Variants in KCTD8 observed in about 807,000 individuals in gnomAD.
KCTD8 encodes BTB/POZ domain-containing protein KCTD8.
Under a neutral mutation model 31.5 loss-of-function variants are expected in KCTD8, and 27 were observed. The ratio of observed to expected loss-of-function variants is 0.86; its 90% CI spans 0.63 to 1.18. The LOEUF (loss-of-function observed/expected upper bound fraction) is 1.18, where lower values mean the gene tolerates loss of function less well. Among genes scored for constraint, KCTD8 ranks in the 50% most tolerant of loss-of-function variants. The pLI, the probability that KCTD8 is intolerant of heterozygous loss-of-function variation, is 0.00. For synonymous variants in KCTD8, 290 were observed against 280.0 expected, an observed-to-expected ratio of 1.04 and a Z score of -0.36; for missense variants, 658 against 647.7, an observed-to-expected ratio of 1.02 and a Z score of -0.17.
At chr4:44,367,648 A>G (rs1045417226) in intron 1 of KCTD8, among the ~76,000 whole-genome samples, 3 of 152,164 alleles carry the variant, frequency 2.0e-5, no homozygotes, top group African/African-American at 4.8e-5. Flanking sequence ...TAAATGTGTC[A>G]TTGTTGAAAA....
chr4:44,325,014 A>G (rs1426199426), intron 1 of KCTD8, among the ~76,000 whole-genome samples: 3 of 152,020 alleles, frequency 2.0e-5, no homozygotes, highest in East Asian at 1.9e-4. Context: ...ATCAGATTAT[A>G]TAAGCATGAG....
At chr4:44,419,327 G>A (rs768382416) in intron 1 of KCTD8, among the ~76,000 whole-genome samples, 2 of 152,158 alleles carry the variant, frequency 1.3e-5, no homozygotes, top group African/African-American at 2.4e-5. Context: ...CCCCAGACTA[G>A]CCATTAGTTA....
At position 44,237,343 on chromosome 4, in the gene KCTD8, C is replaced by A. The variant is rs1412377089; in HGVS notation, c.962-62093G>T. ...CCCTCCCTTCCTCTCTCTTTCTTCC[C>A]ATTTTCAGATACACAGCAGTTCCTG... On this transcript the variant is annotated intron_variant, in intron 1 of 1. Coordinates refer to ENST00000360029, the MANE Select transcript of KCTD8 (RefSeq NM_198353.3). 5.3e-5 allele frequency among the ~76,000 whole-genome samples: 8 copies of A among 152,258 alleles called. No homozygotes were observed. The East Asian group carries it at 1.2e-3, about 22-fold the overall frequency.
At chr4:44,213,007 A>G (rs6829496) in intron 1 of KCTD8, among the ~76,000 whole-genome samples, 150,895 of 152,240 alleles carry the variant, frequency 0.99, 74,787 homozygotes, top group East Asian at 1. Flanking sequence ...GCATGATCTC[A>G]GCTCTCTGCA....
intron 1 of KCTD8, among the ~76,000 whole-genome samples, chr4:44,193,640 TA>T (rs1713833998): frequency 6.7e-6 from 1 of 150,078 alleles, no homozygotes; most frequent in Admixed American, 6.6e-5. Context: ...CTAGGTATTT[TA>T]ACAAAAAAAA....
chr4:44,327,816 T>C (rs3113532), intron 1 of KCTD8, among the ~76,000 whole-genome samples: 5 of 151,818 alleles, frequency 3.3e-5, no homozygotes, highest in Non-Finnish European at 7.4e-5. Flanking sequence ...TCCTAACTCA[T>C]ACAGTTGCTG....
chr4:44,294,595 A>G (rs1717376065), intron 1 of KCTD8, among the ~76,000 whole-genome samples: 2 of 152,144 alleles, frequency 1.3e-5, no homozygotes, highest in Non-Finnish European at 2.9e-5. Context: ...AAATTTCCTT[A>G]TGAAACCTGA....
chr4:44,329,361 A>T (rs1718534374), intron 1 of KCTD8, among the ~76,000 whole-genome samples: 1 of 150,646 alleles, frequency 6.6e-6, no homozygotes, highest in Non-Finnish European at 1.5e-5. Flanking sequence ...GAAAAATATG[A>T]GAAAACTATT....
intron 1 of KCTD8, among the ~76,000 whole-genome samples, chr4:44,354,290 T>C (rs1203095169): frequency 6.6e-6 from 1 of 152,180 alleles, no homozygotes; most frequent in Non-Finnish European, 1.5e-5. Flanking sequence ...GCAGTCTTCC[T>C]ACTCCCTGGC....
At chr4:44,427,702 G>A (rs1021936476) in intron 1 of KCTD8, among the ~76,000 whole-genome samples, 3 of 151,448 alleles carry the variant, frequency 2.0e-5, no homozygotes, top group African/African-American at 7.3e-5. Context: ...ACAAAAAATA[G>A]ACAAAATGAA....
intron 1 of KCTD8, among the ~76,000 whole-genome samples, chr4:44,256,422 G>GC (rs1191239441): frequency 2.0e-5 from 3 of 151,818 alleles, no homozygotes; most frequent in African/African-American, 7.3e-5. Context: ...TAGAAAATTG[G>GC]CTAGTGACTT....
intron 1 of KCTD8, among the ~76,000 whole-genome samples, chr4:44,437,749 C>T (rs758081754): frequency 4.5e-4 from 68 of 152,012 alleles, no homozygotes; most frequent in African/African-American, 1.9e-4. Flanking sequence ...GTGAAAAAGA[C>T]GATCAATTTC....
At chr4:44,363,461 C>T (rs761246313) in intron 1 of KCTD8, among the ~76,000 whole-genome samples, 2 of 152,126 alleles carry the variant, frequency 1.3e-5, no homozygotes, top group Non-Finnish European at 2.9e-5. Context: ...CAGTTCACTG[C>T]AAGCCAACAA....
chr4:44,206,610 T>C (rs932664466), intron 1 of KCTD8, among the ~76,000 whole-genome samples: 10 of 152,232 alleles, frequency 6.6e-5, no homozygotes, highest in African/African-American at 2.4e-4. Context: ...CTTTGCCCTC[T>C]GGGAGCCAGA....
intron 1 of KCTD8, among the ~76,000 whole-genome samples, chr4:44,271,034 TA>T (rs1716582528): frequency 6.6e-6 from 1 of 152,024 alleles, no homozygotes; most frequent in Non-Finnish European, 1.5e-5. Flanking sequence ...AAAATGAAGG[TA>T]TACACTGTAT....
chr4:44,398,208 A>G (rs1402272245), intron 1 of KCTD8, among the ~76,000 whole-genome samples: 2 of 152,164 alleles, frequency 1.3e-5, no homozygotes, highest in Non-Finnish European at 2.9e-5. Flanking sequence ...TGTTTTCCTT[A>G]TTGCCTAAAA....
chr4:44,332,764 T>G (rs546624881), intron 1 of KCTD8, among the ~76,000 whole-genome samples: 1 of 152,040 alleles, frequency 6.6e-6, no homozygotes, highest in East Asian at 1.9e-4. Context: ...AATTCCATCA[T>G]AAATGTTTCC....
At chr4:44,181,907 A>C (rs558561092) in intron 1 of KCTD8, among the ~76,000 whole-genome samples, 7 of 132,870 alleles carry the variant, frequency 5.3e-5, no homozygotes, top group African/African-American at 2.0e-4. Flanking sequence ...CAGCCGCCCC[A>C]TCTGAGAAGT....
chr4:44,188,317 G>C (rs1374446839), intron 1 of KCTD8, among the ~76,000 whole-genome samples: 1 of 152,104 alleles, frequency 6.6e-6, no homozygotes, highest in Non-Finnish European at 1.5e-5. Context: ...TGCATAGCAG[G>C]GTTTAATTTC....
Sources: gnomAD v4.1 joint callset for allele counts (sites outside exome capture counted in the v4.1 genomes callset) on GRCh38, gnomAD v4.1.1 for gene constraint, MANE v1.5 for transcripts, NCBI Gene and HGNC (gene_info 2026-07-23, HGNC 2026-07-21) for gene names.